Variants in GPR39 observed in about 807,000 individuals in gnomAD.
The protein encoded by GPR39 is zinc sensing receptor.
GPR39 carries 23 observed loss-of-function variants against 18.4 expected under a neutral mutation model. The observed-to-expected ratio is 1.25, with a 90% CI of 0.90 to 1.77. GPR39 has a LOEUF of 1.77. Among genes scored for constraint, GPR39 ranks in the 40% most tolerant of loss-of-function variants. GPR39 has a pLI of 0.00. For synonymous variants in GPR39, 280 were observed against 257.9 expected, an observed-to-expected ratio of 1.09 and a Z score of -0.82; for missense variants, 647 against 602.4, an observed-to-expected ratio of 1.07 and a Z score of -0.78.
At chr2:132,641,035 C>T (rs1681848014) in intron 1 of GPR39, among the ~76,000 whole-genome samples, 1 of 152,206 alleles carries the variant, frequency 6.6e-6, no homozygotes, top group Non-Finnish European at 1.5e-5. Context: ...TAGAGCAAAA[C>T]TATCTTTCAA....
intron 1 of GPR39, among the ~76,000 whole-genome samples, chr2:132,499,233 A>G (rs186263614): frequency 6.6e-6 from 1 of 152,110 alleles, no homozygotes; most frequent in African/African-American, 2.4e-5. Flanking sequence ...GTGGATTTTT[A>G]TATGAAGTGA....
chr2:132,470,262 G>A (rs11901501), intron 1 of GPR39, among the ~76,000 whole-genome samples: 4,997 of 152,272 alleles, frequency 0.033, 257 homozygotes, highest in African/African-American at 0.1. Flanking sequence ...ATTTGTGAGG[G>A]ATGGGAGTGC....
At chr2:132,484,847 A>G (rs1681300606) in intron 1 of GPR39, among the ~76,000 whole-genome samples, 1 of 152,278 alleles carries the variant, frequency 6.6e-6, no homozygotes, top group Non-Finnish European at 1.5e-5. Flanking sequence ...AAAATCGAGT[A>G]TTAAGTTCAG....
intron 1 of GPR39, among the ~76,000 whole-genome samples, chr2:132,566,833 G>T (rs904014971): frequency 6.6e-6 from 1 of 152,248 alleles, no homozygotes; most frequent in African/African-American, 2.4e-5. Flanking sequence ...TTCCCTCCAA[G>T]GCCTTTTCCT....
intron 1 of GPR39, among the ~76,000 whole-genome samples, chr2:132,446,767 T>G (rs1680545030): frequency 1.3e-5 from 2 of 150,204 alleles, no homozygotes; most frequent in Non-Finnish European, 1.5e-5. Flanking sequence ...TGGAATGGAG[T>G]GGAGTAGAGA....
At chr2:132,476,570 A>G (rs997677537) in intron 1 of GPR39, among the ~76,000 whole-genome samples, 1 of 123,806 alleles carries the variant, frequency 8.1e-6, no homozygotes, top group Non-Finnish European at 1.6e-5. Context: ...CGGGAGGTGG[A>G]GGTTGCAGTG....
chr2:132,610,777 C>CAAAAAAAAAAAAAAAAAAAAAAA (rs34611787), intron 1 of GPR39, among the ~76,000 whole-genome samples: 1 of 88,726 alleles, frequency 1.1e-5, no homozygotes, highest in African/African-American at 4.5e-5. Context: ...ACTCTGTCTC[C>CAAAAAAAAAAAAAAAAAAAAAAA]AAAAAAAAAA....
chr2:132,571,990 C>T (rs1228381381), intron 1 of GPR39, among the ~76,000 whole-genome samples: 2 of 152,074 alleles, frequency 1.3e-5, no homozygotes, highest in Non-Finnish European at 2.9e-5. Context: ...GCTACAAAAG[C>T]GCGTGAAGTG....
At chr2:132,463,821 C>G (rs1680875430) in intron 1 of GPR39, among the ~76,000 whole-genome samples, 1 of 152,310 alleles carries the variant, frequency 6.6e-6, no homozygotes, top group Admixed American at 6.5e-5. Flanking sequence ...CTTGGGCTCA[C>G]TCGTTCAACC....
At chr2:132,427,744 T>C (rs1680152894) in intron 1 of GPR39, among the ~76,000 whole-genome samples, 1 of 150,364 alleles carries the variant, frequency 6.7e-6, no homozygotes, top group Non-Finnish European at 1.5e-5. Context: ...TGGAGTATAG[T>C]GACTATTCAC....
chr2:132,645,443 C>T lies in GPR39; in HGVS notation c.1199C>T (p.Ser400Phe), dbSNP rs756654238. The T allele has an allele frequency of 1.1e-5, 17 of 1,613,774 alleles. No homozygotes were observed. Among genetic ancestry groups the T allele is most frequent in the Non-Finnish European group, 1.4e-5 (16 of 1,180,028 alleles). ...TTGCTCTTCGCGTCCCGGCGCCAGT[C>T]CTCTGCAAGGAGAACTGAGAAGATT... ...RPLLFASRRQ[S>F]SARRTEKIFL... The change falls in exon 2 of 2, where the codon TCC becomes TTC. Residue 400 changes from serine to phenylalanine, a missense_variant. By Grantham distance (155) the Ser-to-Phe change is radical (BLOSUM62 -2). Coordinates refer to ENST00000329321, the MANE Select transcript of GPR39 (RefSeq NM_001508.3).
chr2:132,509,906 G>A (rs1679209194), intron 1 of GPR39, among the ~76,000 whole-genome samples: 1 of 152,234 alleles, frequency 6.6e-6, no homozygotes, highest in Non-Finnish European at 1.5e-5. Flanking sequence ...AAAGCTCAGA[G>A]AGGAGAGGAC....
intron 1 of GPR39, among the ~76,000 whole-genome samples, chr2:132,458,458 T>TTGTGTGTGTGTGTG (rs57137481): frequency 9.8e-5 from 13 of 132,208 alleles, no homozygotes; most frequent in East Asian, 4.5e-4. Context: ...CTCGGTGTGT[T>TTGTGTGTGTGTGTG]TGTGTGTGTG....
intron 1 of GPR39, among the ~76,000 whole-genome samples, chr2:132,586,059 G>A (rs1379962316): frequency 1.3e-5 from 2 of 150,580 alleles, no homozygotes; most frequent in African/African-American, 2.4e-5. Flanking sequence ...TGCTGCCGCT[G>A]GTGGGAAGCT....
intron 1 of GPR39, among the ~76,000 whole-genome samples, chr2:132,610,949 AGAG>A (rs1356858143): frequency 6.6e-6 from 1 of 152,158 alleles, no homozygotes; most frequent in Non-Finnish European, 1.5e-5. Flanking sequence ...GGCTAGGGCC[AGAG>A]GAGGAGCAAC....
chr2:132,467,675 C>T (rs1348426994), intron 1 of GPR39, among the ~76,000 whole-genome samples: 1 of 152,142 alleles, frequency 6.6e-6, no homozygotes, highest in Non-Finnish European at 1.5e-5. Flanking sequence ...AGTTACTGCT[C>T]ATGAAACTTT....
chr2:132,611,757 A>G (rs1023772482), intron 1 of GPR39, among the ~76,000 whole-genome samples: 13 of 152,296 alleles, frequency 8.5e-5, no homozygotes, highest in South Asian at 4.1e-4. Flanking sequence ...GAGATTATAC[A>G]GTGTAAATTT....
intron 1 of GPR39, among the ~76,000 whole-genome samples, chr2:132,600,306 T>C (rs1681015881): frequency 6.6e-6 from 1 of 151,832 alleles, no homozygotes; most frequent in Non-Finnish European, 1.5e-5. Flanking sequence ...GTAGACAGAT[T>C]TCAAATAAAC....
chr2:132,506,713 A>G (rs1219229375), intron 1 of GPR39, among the ~76,000 whole-genome samples: 8 of 152,098 alleles, frequency 5.3e-5, no homozygotes, highest in Non-Finnish European at 1.2e-4. Flanking sequence ...CATGGAGGTA[A>G]CCACTCCCAT....
Sources: gnomAD v4.1 joint callset for allele counts (sites outside exome capture counted in the v4.1 genomes callset) on GRCh38, gnomAD v4.1.1 for gene constraint, MANE v1.5 for transcripts, NCBI Gene and HGNC (gene_info 2026-07-23, HGNC 2026-07-21) for gene names.